Variants in DUXA observed in about 807,000 individuals in gnomAD.
The protein encoded by DUXA is double homeobox A, also known as double homeobox protein A.
DUXA carries 25 observed loss-of-function variants against 27.5 expected under a neutral mutation model. The ratio of observed to expected loss-of-function variants is 0.91; its 90% CI spans 0.66 to 1.27. The LOEUF is 1.27. Among genes scored for constraint, DUXA ranks in the 50% most tolerant of loss-of-function variants. The pLI, the probability that DUXA is intolerant of heterozygous loss-of-function variation, is 0.00. For synonymous variants in DUXA, 90 were observed against 80.5 expected (o/e 1.12, Z -0.63); for missense variants, 247 against 242.9 (o/e 1.02, Z -0.11).
chr19:57,155,407 A>C (rs368356011), intron 4 of DUXA, 35 bp from the exon 5 acceptor site: 2 of 1,500,824 alleles, frequency 1.3e-6, no homozygotes, highest in African/African-American at 2.8e-5. Flanking sequence ...AATTTAAACA[A>C]AGAATGTTGT....
At chr19:57,160,575 G>A in intron 2 of DUXA, 68 bp downstream of exon 2, 1 of 1,563,610 alleles carries the variant, frequency 6.4e-7, no homozygotes, top group Non-Finnish European at 8.7e-7. Context: ...ACATAGTATG[G>A]GCTCCGTTAA....
At position 57,154,409 on chromosome 19, in the gene DUXA, T is replaced by G. The variant is rs988938873; in HGVS notation, c.*3A>C. ...TTATCAAGTACACTGAATTTGACTGTGTTCACCACGTTCTGGCTCCAGAGA... is the reference window on the plus strand; with the variant it reads ...TTATCAAGTACACTGAATTTGACTGGGTTCACCACGTTCTGGCTCCAGAGA... On this transcript the variant is annotated 3_prime_UTR_variant, in exon 6 of 6. Transcript: ENST00000554048. The G allele has an allele frequency of 6.2e-7, 1 of 1,613,204 alleles. No individual in the cohort carries two copies.
intron 4 of DUXA, among the ~76,000 whole-genome samples, chr19:57,155,987 A>G (rs2086991344): frequency 6.6e-6 from 1 of 152,104 alleles, no homozygotes; most frequent in Non-Finnish European, 1.5e-5. Flanking sequence ...TTAACATTTT[A>G]TGACATTTGT....
chr19:57,161,589 C>T (rs958302161), intron 1 of DUXA, among the ~76,000 whole-genome samples: 2 of 150,954 alleles, frequency 1.3e-5, no homozygotes, highest in African/African-American at 4.9e-5. Flanking sequence ...CGCCACTGCA[C>T]TCCAGCCTGG....
Position 57,166,571 on chromosome 19 carries a change from G to A in DUXA, c.25+848C>T, listed in dbSNP as rs375814307. ...GATCTGCCCACCGCGGCCTCCCAAAGTGCTGGGATTACAGGCGTGAGCCAC... is the reference window on the plus strand; with the variant it reads ...GATCTGCCCACCGCGGCCTCCCAAAATGCTGGGATTACAGGCGTGAGCCAC... On this transcript the variant is annotated intron_variant, in intron 1 of 5. Coordinates refer to ENST00000554048, the MANE Select transcript of DUXA (RefSeq NM_001012729.2). Among the ~76,000 whole-genome samples the A allele has an allele frequency of 2.7e-3, 414 of 152,322 alleles. 4 individuals carry two copies. Among genetic ancestry groups the A allele is most frequent in the African/African-American group, 9.6e-3 (400 of 41,578 alleles).
chr19:57,165,576 C>T (rs934378987), intron 1 of DUXA, among the ~76,000 whole-genome samples: 3 of 151,190 alleles, frequency 2.0e-5, no homozygotes, highest in Non-Finnish European at 4.4e-5. Context: ...GAGGCCGAGG[C>T]GGGCAGATCA....
chr19:57,161,409 G>A (rs1344716825), intron 1 of DUXA, among the ~76,000 whole-genome samples: 3 of 147,844 alleles, frequency 2.0e-5, no homozygotes, highest in Non-Finnish European at 4.4e-5. Context: ...GGATCACAAG[G>A]TCAGGAGATC....
intron 3 of DUXA, 111 bp from the exon 4 acceptor site, chr19:57,158,584 C>A: frequency 7.7e-7 from 1 of 1,300,774 alleles, no homozygotes; most frequent in South Asian, 1.4e-5. Flanking sequence ...AATTTCGATC[C>A]CACTGACTCC....
chr19:57,160,490 G>A (rs1359434657), intron 2 of DUXA, among the ~76,000 whole-genome samples, 153 bp downstream of exon 2: 1 of 152,202 alleles, frequency 6.6e-6, no homozygotes, highest in Non-Finnish European at 1.5e-5. Flanking sequence ...TGTGAAGTGA[G>A]GCTAAGACCA....
intron 2 of DUXA, 62 bp downstream of exon 2, chr19:57,160,581 G>A (rs1352326214): frequency 1.6e-5 from 25 of 1,585,324 alleles, no homozygotes; most frequent in East Asian, 2.2e-5. Flanking sequence ...TATGGGCTCC[G>A]TTAATGGTTC....
At chr19:57,155,646 A>AAGATAGACAGATAGATAGAT (rs1555757952) in intron 4 of DUXA, among the ~76,000 whole-genome samples, 5 of 144,120 alleles carry the variant, frequency 3.5e-5, no homozygotes, top group Non-Finnish European at 7.5e-5. Flanking sequence ...TGCCCAACCC[A>AAGATAGACAGATAGATAGAT]AGATAGATAG....
At position 57,154,445 on chromosome 19, in the gene DUXA, A is replaced by G; in HGVS notation, c.582T>C (p.Ser194=). 1 of 1,613,900 alleles carries G rather than the reference A, an allele frequency of 6.2e-7. No individual in the cohort carries two copies. Among genetic ancestry groups the G allele is most frequent in the Non-Finnish European group, 8.5e-7 (1 of 1,179,802 alleles). Residue 194 remains serine, a synonymous_variant, in exon 6 of 6, where the codon AGT becomes AGC. Transcript: ENST00000554048. ...TTCTGGCTCCAGAGAAATGAGAGTC[A>G]CTAGTGAAGTTGGTGCCATTTTGTG... The part of the protein sequence containing the change: ...EDTQNGTNFT[S]DSHFSGARTW
intron 4 of DUXA, among the ~76,000 whole-genome samples, chr19:57,156,858 G>T (rs989194374): frequency 6.6e-6 from 1 of 152,074 alleles, no homozygotes; most frequent in Non-Finnish European, 1.5e-5. Flanking sequence ...TAGAGACGGG[G>T]TTTCTCCATG....
intron 2 of DUXA, 67 bp from the exon 3 acceptor site, chr19:57,159,345 C>A: frequency 7.1e-7 from 1 of 1,415,112 alleles, no homozygotes; most frequent in Non-Finnish European, 9.8e-7. Context: ...ACTGCCTGTT[C>A]CCAAAGTGAG....
At chr19:57,165,322 AAAAT>A (rs1170305914) in intron 1 of DUXA, among the ~76,000 whole-genome samples, 2,804 of 88,956 alleles carry the variant, frequency 0.032, 34 homozygotes, top group Non-Finnish European at 0.036. Flanking sequence ...AAAAAAAAAA[AAAAT>A]ATATATATAT....
chr19:57,158,204 G>C, intron 4 of DUXA, 124 bp downstream of exon 4: 1 of 1,114,548 alleles, frequency 9.0e-7, no homozygotes. Flanking sequence ...AGCAGACAGG[G>C]AACAGCTGTG....
Position 57,160,681 on chromosome 19 carries a change from G to A in DUXA, c.142C>T (p.Leu48Phe), listed in dbSNP as rs1272943041. Residue 48 changes from leucine (L) to phenylalanine (F), a missense_variant, in exon 2 of 6, where the codon CTT becomes TTT. Physicochemically the swap from Leu to Phe is conservative, Grantham distance 22 (BLOSUM62 0). Transcript: ENST00000554048. ...PYPGYATKQK[L>F]ALEINTEESR... ...TCTTCTGTATTGATTTCTAAAGCAA[G>A]TTTTTGTTTGGTAGCATAACCTGGG... is the stretch of plus-strand genomic sequence containing the variant. The A allele has an allele frequency of 1.9e-6, 3 of 1,613,564 alleles. No individual in the cohort carries two copies. Among genetic ancestry groups the A allele is most frequent in the African/African-American group, 2.7e-5 (2 of 74,924 alleles).
At chr19:57,160,570 G>A (rs888903267) in intron 2 of DUXA, 73 bp downstream of exon 2, 128 of 1,551,068 alleles carry the variant, frequency 8.3e-5, no homozygotes, top group Non-Finnish European at 1.1e-4. Flanking sequence ...TGGGTACATA[G>A]TATGGGCTCC....
intron 2 of DUXA, 115 bp from the exon 3 acceptor site, chr19:57,159,393 C>A: frequency 1.1e-6 from 1 of 912,164 alleles, no homozygotes. Flanking sequence ...TTATTACTTA[C>A]TTCTGTCACA....
Sources: allele counts gnomAD v4.1 joint callset (sites outside exome capture counted in the v4.1 genomes callset), GRCh38; gene constraint gnomAD v4.1.1; transcripts MANE v1.5; gene names NCBI Gene and HGNC (gene_info 2026-07-23, HGNC 2026-07-21).